Variants in JARID2 observed in about 807,000 individuals in gnomAD.
JARID2 encodes the protein jumonji and AT-rich interaction domain containing 2.
In JARID2, 21 loss-of-function variants were observed where a neutral mutation model predicts 125.6. The ratio of observed to expected loss-of-function variants is 0.17; its 90% CI spans 0.12 to 0.24. JARID2 has a LOEUF of 0.24. Ranked by LOEUF, JARID2 falls within the 10% of genes least tolerant of loss-of-function variation. JARID2 has a pLI of 1.00. For missense variants in JARID2, 1,303 were observed against 1,639.6 expected, an observed-to-expected ratio of 0.79 and a Z score of 3.55; for synonymous variants, 736 against 661.6, an observed-to-expected ratio of 1.11 and a Z score of -1.73.
chr6:15,466,891 C>T (rs551595703), intron 4 of JARID2, among the ~76,000 whole-genome samples: 64 of 152,266 alleles, frequency 4.2e-4, no homozygotes, highest in African/African-American at 1.5e-3. Flanking sequence ...GTTTAAGAAC[C>T]TTCTTTCTGT....
chr6:15,368,614 G>A (rs1307977999), intron 1 of JARID2: 1 of 430,198 alleles, frequency 2.3e-6, no homozygotes, highest in Non-Finnish European at 4.7e-6. Flanking sequence ...GGGTTTGAGA[G>A]ACCGTGTCAC....
intron 5 of JARID2, among the ~76,000 whole-genome samples, chr6:15,483,470 C>T (rs1769720821): frequency 6.6e-6 from 1 of 151,768 alleles, no homozygotes; most frequent in African/African-American, 2.4e-5. Flanking sequence ...GTGCCATTGC[C>T]TTTGTTTATG....
chr6:15,468,080 C>T (rs1358008021), intron 4 of JARID2, among the ~76,000 whole-genome samples: 2 of 151,544 alleles, frequency 1.3e-5, no homozygotes, highest in African/African-American at 2.4e-5. Flanking sequence ...TTCATATCCA[C>T]CATAAGGAAT....
chr6:15,253,811 C>G (rs916638864), intron 1 of JARID2, among the ~76,000 whole-genome samples: 1 of 152,142 alleles, frequency 6.6e-6, no homozygotes, highest in Non-Finnish European at 1.5e-5. Context: ...AGGACTCAGT[C>G]AATTCTGAAA....
intron 1 of JARID2, among the ~76,000 whole-genome samples, chr6:15,308,160 A>C (rs1761900126): frequency 6.6e-6 from 1 of 152,168 alleles, no homozygotes; most frequent in South Asian, 2.1e-4. Flanking sequence ...TTTTCTCATT[A>C]TTATACTAGT....
chr6:15,298,141 C>G (rs970329173), intron 1 of JARID2, among the ~76,000 whole-genome samples: 1 of 152,192 alleles, frequency 6.6e-6, no homozygotes, highest in Admixed American at 6.5e-5. Flanking sequence ...ATGGTGTAAT[C>G]AGAATGCAGT....
intron 16 of JARID2, among the ~76,000 whole-genome samples, chr6:15,514,405 C>T (rs1561919631): frequency 6.6e-6 from 1 of 152,236 alleles, no homozygotes; most frequent in Non-Finnish European, 1.5e-5. Context: ...GGTGCCCACC[C>T]CATATGCTGT....
rs141173967 is a variant in JARID2, at chr6:15,465,551, C to A, written c.494-2991C>A. On this transcript the variant is annotated intron_variant, in intron 4 of 17. Transcript: ENST00000341776. ...TAGTTCTTTGCAACATAAACTCAAT[C>A]CTCACCCTAACATAAACTCAATCCT... 3.9e-3 allele frequency among the ~76,000 whole-genome samples: 587 copies of A among 152,184 alleles called. 4 individuals carry two copies. The highest frequency in any genetic ancestry group is 0.024 in the Middle Eastern group (7 of 294).
chr6:15,437,246 T>C (rs913982388), intron 3 of JARID2, among the ~76,000 whole-genome samples: 10 of 152,102 alleles, frequency 6.6e-5, no homozygotes, highest in Admixed American at 6.5e-4. Flanking sequence ...GGTCATACTT[T>C]ATGTTGTGAG....
At chr6:15,370,820 A>G (rs943403732) in intron 1 of JARID2, among the ~76,000 whole-genome samples, 4 of 152,140 alleles carry the variant, frequency 2.6e-5, no homozygotes, top group Non-Finnish European at 1.5e-5. Context: ...CTGCTAGAGG[A>G]TTATAAGGTA....
At chr6:15,333,076 G>A (rs1286327428) in intron 1 of JARID2, among the ~76,000 whole-genome samples, 2 of 151,306 alleles carry the variant, frequency 1.3e-5, no homozygotes, top group Non-Finnish European at 2.9e-5. Context: ...GGGACTACAG[G>A]CGCCCACCAC....
At chr6:15,381,798 T>G (rs912024620) in intron 2 of JARID2, among the ~76,000 whole-genome samples, 6 of 152,226 alleles carry the variant, frequency 3.9e-5, no homozygotes, top group Non-Finnish European at 8.8e-5. Flanking sequence ...TCCTAATACC[T>G]TATTTCATCC....
At chr6:15,418,428 A>T (rs544265020) in intron 3 of JARID2, among the ~76,000 whole-genome samples, 1 of 152,184 alleles carries the variant, frequency 6.6e-6, no homozygotes, top group African/African-American at 2.4e-5. Context: ...GTTGGCCAGG[A>T]TGGTCTCTAT....
chr6:15,446,378 T>A (rs1345049059), intron 3 of JARID2, among the ~76,000 whole-genome samples: 2 of 152,168 alleles, frequency 1.3e-5, no homozygotes, highest in Non-Finnish European at 2.9e-5. Flanking sequence ...GATGGTCACC[T>A]CTCTCCGAGG....
At chr6:15,367,500 C>T (rs572418185) in intron 1 of JARID2, among the ~76,000 whole-genome samples, 2 of 152,230 alleles carry the variant, frequency 1.3e-5, no homozygotes, top group South Asian at 4.1e-4. Context: ...TTTGCTTTTA[C>T]CTAGGAGTCA....
At chr6:15,288,073 G>A (rs1029070290) in intron 1 of JARID2, among the ~76,000 whole-genome samples, 4 of 152,242 alleles carry the variant, frequency 2.6e-5, no homozygotes, top group Middle Eastern at 3.4e-3. Context: ...TGACCACCAC[G>A]GCAAAGGGGA....
At chr6:15,408,453 T>C (rs2127565752) in intron 2 of JARID2, among the ~76,000 whole-genome samples, 1 of 152,356 alleles carries the variant, frequency 6.6e-6, no homozygotes, top group East Asian at 1.9e-4. Context: ...CTCAGTTAAA[T>C]GTCGTCTGTA....
chr6:15,330,164 CTA>C, intron 1 of JARID2, among the ~76,000 whole-genome samples: 1 of 152,304 alleles, frequency 6.6e-6, no homozygotes, highest in South Asian at 2.1e-4. Context: ...TTAAAAGAAA[CTA>C]TAGGGGCTGT....
chr6:15,380,076 C>G (rs1194187788), intron 2 of JARID2, among the ~76,000 whole-genome samples: 1 of 150,158 alleles, frequency 6.7e-6, no homozygotes, highest in East Asian at 1.9e-4. Context: ...TGCTCTGTTG[C>G]CCAGGCTGGA....
Sources: gnomAD v4.1 joint callset for allele counts (sites outside exome capture counted in the v4.1 genomes callset) on GRCh38, gnomAD v4.1.1 for gene constraint, MANE v1.5 for transcripts, NCBI Gene and HGNC (gene_info 2026-07-23, HGNC 2026-07-21) for gene names.